Variants in SBK1 observed in about 807,000 individuals in gnomAD.
The protein encoded by SBK1 is serine/threonine-protein kinase SBK1.
A neutral mutation model predicts 24.4 loss-of-function variants in SBK1; 11 were observed. The observed-to-expected ratio is 0.45, with a 90% confidence interval of 0.28 to 0.75. SBK1 has a LOEUF of 0.75. Among genes scored for constraint, SBK1 ranks in the 30% least tolerant of loss-of-function variants. The probability of loss-of-function intolerance (pLI) is 0.12; values close to 1 mark genes in which losing one functional copy is unlikely to be tolerated. For synonymous variants in SBK1, 308 were observed against 284.4 expected (o/e 1.08, Z -0.83); for missense variants, 467 against 620.5 (o/e 0.75, Z 2.63).
chr16:28,270,265 T>C (rs1382141923), intron 1 of SBK1, among the ~76,000 whole-genome samples: 3 of 152,036 alleles, frequency 2.0e-5, no homozygotes, highest in African/African-American at 7.2e-5. Flanking sequence ...TTTCACCATG[T>C]TGGCCAGGAT....
In SBK1 at chr16:28,303,626, C is replaced by T. The variant is rs139797857; in HGVS notation, c.-8+10326C>T. The stretch of plus-strand genomic sequence containing the variant: ...AATTCCTGAGTTCAAGAAACCCTCC[C>T]ACTTCAGTCTCCTGAGTAGCTGGAA... On this transcript the variant is annotated intron_variant, in intron 1 of 3. Coordinates refer to ENST00000341901, the MANE Select transcript of SBK1 (RefSeq NM_001024401.3). Among the ~76,000 whole-genome samples, 400 of 150,016 alleles carry T rather than the reference C, an allele frequency of 2.7e-3. 3 individuals carry two copies. The highest frequency in any genetic ancestry group is 9.2e-3 in the African/African-American group (375 of 40,820).
chr16:28,279,549 C>T lies in SBK1; in HGVS notation c.257+20047C>T, dbSNP rs149970614. Among the ~76,000 whole-genome samples, 32 of 152,204 alleles carry T rather than the reference C, an allele frequency of 2.1e-4. No homozygotes were observed. In the South Asian group the frequency reaches 4.2e-3, roughly 20 times the overall value. ...TTTCTCTGGGTCCCGCATTCTGTCA[C>T]GGGCACAGGTTCAACTACTTTCACC... On this transcript the variant is annotated intron_variant, in intron 1 of 3. Coordinates refer to the SBK1 transcript ENST00000671413.
At chr16:28,318,116 A>G (rs911393613) in intron 2 of SBK1, among the ~76,000 whole-genome samples, 7 of 152,174 alleles carry the variant, frequency 4.6e-5, no homozygotes, top group African/African-American at 1.7e-4. Flanking sequence ...ATTCAGCCAC[A>G]TAGCCAATGC....
At chr16:28,274,934 A>G in intron 1 of SBK1, among the ~76,000 whole-genome samples, 1 of 152,194 alleles carries the variant, frequency 6.6e-6, no homozygotes, top group Non-Finnish European at 1.5e-5. Context: ...AGGAATGCCT[A>G]AAACTGGAAA....
chr16:28,311,604 T>C (rs2044755392), intron 1 of SBK1, among the ~76,000 whole-genome samples: 2 of 151,132 alleles, frequency 1.3e-5, no homozygotes, highest in Admixed American at 1.3e-4. Context: ...ACAAGAAGGC[T>C]GAGATGGGAG....
intron 1 of SBK1, among the ~76,000 whole-genome samples, chr16:28,305,245 C>T (rs560850976): frequency 1.3e-5 from 2 of 151,980 alleles, no homozygotes; most frequent in Non-Finnish European, 2.9e-5. Flanking sequence ...TGGAGTTTTG[C>T]TCTTGTTGCC....
At chr16:28,268,877 C>T (rs996692623) in intron 1 of SBK1, among the ~76,000 whole-genome samples, 88 of 152,180 alleles carry the variant, frequency 5.8e-4, no homozygotes, top group African/African-American at 2.1e-3. Flanking sequence ...AGAGGAGCTC[C>T]AGTGTCCCCA....
intron 1 of SBK1, among the ~76,000 whole-genome samples, chr16:28,311,943 T>G (rs949008818): frequency 6.6e-6 from 1 of 152,242 alleles, no homozygotes; most frequent in African/African-American, 2.4e-5. Flanking sequence ...CAGGGAGGGC[T>G]TGTAGCCACT....
At chr16:28,262,617 A>T (rs900507595) in intron 1 of SBK1, among the ~76,000 whole-genome samples, 2 of 152,200 alleles carry the variant, frequency 1.3e-5, no homozygotes, top group African/African-American at 2.4e-5. Context: ...AGACAGCACA[A>T]TGTGCTATAA....
intron 1 of SBK1, among the ~76,000 whole-genome samples, chr16:28,273,748 TTG>T (rs1311914950): frequency 6.6e-6 from 1 of 152,238 alleles, no homozygotes; most frequent in Non-Finnish European, 1.5e-5. Context: ...TTGTCTATTC[TTG>T]TTTTTGCTGC....
intron 1 of SBK1, among the ~76,000 whole-genome samples, chr16:28,271,168 A>C (rs1207918812): frequency 6.6e-6 from 1 of 152,010 alleles, no homozygotes; most frequent in Non-Finnish European, 1.5e-5. Context: ...CGGCCTACGC[A>C]CCCTTACTTG....
At chr16:28,312,495 C>T (rs2044760633) in intron 1 of SBK1, among the ~76,000 whole-genome samples, 1 of 152,138 alleles carries the variant, frequency 6.6e-6, no homozygotes, top group African/African-American at 2.4e-5. Context: ...GCTGGGACTG[C>T]GTGGAGACAT....
chr16:28,320,781 G>T lies in SBK1; in HGVS notation c.1135G>T (p.Val379Leu), dbSNP rs768191166. The part of the protein sequence containing the change: ...AVGSVPLPVP[V>L]PVPVPVPVPV... ...CGGGTCGGTGCCCTTGCCCGTGCCGGTGCCGGTGCCAGTGCCCGTGCCGGT... is the reference window on the plus strand; with the variant it reads ...CGGGTCGGTGCCCTTGCCCGTGCCGTTGCCGGTGCCAGTGCCCGTGCCGGT... Residue 379 changes from valine to leucine, a missense_variant, in exon 4 of 4, where the codon GTG (valine) becomes TTG (leucine). Physicochemically the swap from Val to Leu is conservative, Grantham distance 32. Around this residue, in one of 4 missense-constraint regions of SBK1, gnomAD observed 166 missense variants for 146.8 expected, o/e 1.13. Coordinates refer to ENST00000341901, the MANE Select transcript of SBK1 (RefSeq NM_001024401.3). The surrounding 1 kb of genome is among the most constrained non-coding windows in gnomAD (Gnocchi z 8.5). 2.8e-6 allele frequency: 4 copies of T among 1,411,316 alleles called. No homozygotes were observed. The highest frequency in any genetic ancestry group is 1.3e-5 in the South Asian group (1 of 77,870). 87.4% of individuals were successfully genotyped at this position (1,411,316 alleles called of 1,614,324 possible).
intron 1 of SBK1, among the ~76,000 whole-genome samples, chr16:28,274,754 T>A (rs548430145): frequency 6.6e-6 from 1 of 152,256 alleles, no homozygotes; most frequent in East Asian, 1.9e-4. Context: ...AATCATAGTG[T>A]TCCACACAGA....
At position 28,319,114 on chromosome 16, in the gene SBK1, G is replaced by A. The variant is rs764084794; in HGVS notation, c.346G>A (p.Val116Met). The change falls in exon 3 of 4, where the codon GTG (valine) becomes ATG (methionine). Residue 116 changes from valine to methionine, a missense_variant. Around this residue, in one of 4 missense-constraint regions of SBK1, gnomAD observed 123 missense variants for 158.2 expected, o/e 0.78. Coordinates refer to ENST00000341901, the MANE Select transcript of SBK1 (RefSeq NM_001024401.3). This position sits in a 1 kb window ranked among gnomAD's most constrained non-coding sequence, Gnocchi z 4.0. ...SSPFIIKVFD[V>M]VFETEDCYVF... is the part of the protein sequence containing the mutation. ...CCCCTTCATCATCAAGGTCTTTGACGTGGTCTTTGAGACAGAGGACTGCTA... is the reference window on the plus strand; with the variant it reads ...CCCCTTCATCATCAAGGTCTTTGACATGGTCTTTGAGACAGAGGACTGCTA... 1.9e-6 allele frequency: 3 copies of A among 1,614,018 alleles called. No homozygotes were observed. The highest frequency in any genetic ancestry group is 1.7e-6 in the Non-Finnish European group (2 of 1,179,958).
At chr16:28,270,782 T>C (rs1275719057) in intron 1 of SBK1, among the ~76,000 whole-genome samples, 1 of 151,880 alleles carries the variant, frequency 6.6e-6, no homozygotes, top group Non-Finnish European at 1.5e-5. Context: ...GAAAAAACAA[T>C]ATTTTCAGAT....
At chr16:28,305,666 G>C (rs1319246543) in intron 1 of SBK1, among the ~76,000 whole-genome samples, 2 of 151,814 alleles carry the variant, frequency 1.3e-5, no homozygotes, top group Non-Finnish European at 1.5e-5. Flanking sequence ...CGAGTAGCTG[G>C]GATTACAGGC....
At chr16:28,289,276 G>A (rs550139475), upstream of SBK1, among the ~76,000 whole-genome samples, 2 of 152,256 alleles carry the variant, frequency 1.3e-5, no homozygotes, top group East Asian at 1.9e-4. Context: ...GTTTATTTAC[G>A]GCACTAAGGC....
intron 1 of SBK1, among the ~76,000 whole-genome samples, chr16:28,304,409 G>A (rs962251096): frequency 1.3e-5 from 2 of 152,106 alleles, no homozygotes; most frequent in African/African-American, 4.8e-5. Context: ...TAGAGAAGGG[G>A]AGATAGAGCA....
Sources: gnomAD v4.1 joint callset for allele counts (sites outside exome capture counted in the v4.1 genomes callset) on GRCh38, gnomAD v4.1.1 for gene constraint, gnomAD v4.1.1 regional missense constraint, Gnocchi (gnomAD v3.1) non-coding constraint, MANE v1.5 for transcripts, NCBI Gene and HGNC (gene_info 2026-07-23, HGNC 2026-07-21) for gene names.